The following PRELID2 variants were observed in gnomAD, a reference collection of about 807,000 sequenced individuals.
PRELID2 encodes the protein PRELI domain-containing protein 2.
Under a neutral mutation model 28.4 loss-of-function variants are expected in PRELID2, and 25 were observed. That is an observed-to-expected ratio of 0.88 (90% CI 0.64 to 1.23). The LOEUF is 1.23. Among genes scored for constraint, PRELID2 ranks in the 50% most tolerant of loss-of-function variants. The probability of loss-of-function intolerance (pLI) is 0.00; values close to 1 mark genes in which losing one functional copy is unlikely to be tolerated. For missense variants in PRELID2, 201 were observed against 214.4 expected (o/e 0.94, Z 0.39); for synonymous variants, 76 against 71.6 (o/e 1.06, Z -0.31).
At chr5:145,832,674 T>C (rs566420276) in intron 1 of PRELID2, among the ~76,000 whole-genome samples, 1 of 152,282 alleles carries the variant, frequency 6.6e-6, no homozygotes, top group Admixed American at 6.5e-5. Flanking sequence ...AGTTTCTCTA[T>C]ATTGTAAAAT....
chr5:145,508,135 G>A (rs373414434), intron 1 of PRELID2, among the ~76,000 whole-genome samples: 6 of 152,090 alleles, frequency 3.9e-5, no homozygotes, highest in East Asian at 1.9e-4. Flanking sequence ...GCGATAGTGC[G>A]AATCTATAAT....
At chr5:145,564,087 T>C (rs1752945915) in intron 1 of PRELID2, among the ~76,000 whole-genome samples, 1 of 152,234 alleles carries the variant, frequency 6.6e-6, no homozygotes, top group African/African-American at 2.4e-5. Flanking sequence ...ATTTTACTTT[T>C]TGAAAAAGAC....
chr5:145,264,445 C>A, the PRELID2 span, among the ~76,000 whole-genome samples: 1 of 152,032 alleles, frequency 6.6e-6, no homozygotes, highest in African/African-American at 2.4e-5. Context: ...TCCAGCATCC[C>A]TTTATGACTC....
intron 5 of PRELID2, among the ~76,000 whole-genome samples, chr5:145,767,679 T>C (rs367991868): frequency 4.6e-5 from 7 of 152,222 alleles, no homozygotes; most frequent in African/African-American, 1.7e-4. Flanking sequence ...GTGCTCCCCC[T>C]TTTGCAAGGG....
chr5:145,741,984 AATAAATTTAT>A (rs1402070775), intron 1 of PRELID2, among the ~76,000 whole-genome samples: 2 of 4,754 alleles, frequency 4.2e-4, no homozygotes, highest in Non-Finnish European at 1.8e-3. Flanking sequence ...ATTTAATTAT[AATAAATTTAT>A]TATAAATAAT....
chr5:145,363,393 T>C, the PRELID2 span, among the ~76,000 whole-genome samples: 1 of 152,012 alleles, frequency 6.6e-6, no homozygotes, highest in African/African-American at 2.4e-5. Context: ...CTAAAGTAAG[T>C]AAAATCAAAA....
At chr5:145,558,056 C>CT (rs1310238950) in intron 1 of PRELID2, among the ~76,000 whole-genome samples, 1 of 152,148 alleles carries the variant, frequency 6.6e-6, no homozygotes, top group Non-Finnish European at 1.5e-5. Context: ...TTAATGAGCA[C>CT]TAAGTCATAG....
chr5:145,301,643 A>G, the PRELID2 span, among the ~76,000 whole-genome samples: 1 of 152,134 alleles, frequency 6.6e-6, no homozygotes, highest in Non-Finnish European at 1.5e-5. Context: ...CTTAGCTCTT[A>G]TGTTTATATC....
chr5:145,292,141 T>TA, the PRELID2 span, among the ~76,000 whole-genome samples: 5 of 152,160 alleles, frequency 3.3e-5, no homozygotes, highest in African/African-American at 1.2e-4. Context: ...TTACATCAAC[T>TA]AAAAATGATT....
At chr5:145,825,553 A>G (rs1429522127) in intron 1 of PRELID2, among the ~76,000 whole-genome samples, 1 of 152,242 alleles carries the variant, frequency 6.6e-6, no homozygotes, top group Non-Finnish European at 1.5e-5. Context: ...CAAATTCAAC[A>G]TAAGTTGTAG....
chr5:145,767,345 T>A lies in PRELID2; in HGVS notation c.475-2345A>T, dbSNP rs938892896. 4.0e-5 allele frequency among the ~76,000 whole-genome samples: 6 copies of A among 151,892 alleles called. No homozygotes were observed. In the East Asian group the frequency reaches 9.7e-4, roughly 25 times the overall value. On this transcript the variant is annotated intron_variant, in intron 5 of 6. Coordinates refer to ENST00000683046, the MANE Select transcript of PRELID2 (RefSeq NM_205846.3). ...ACTCCATCCCCTTTCCAGCTCCCCA[T>A]CCCGCTGAGAGCCACTTCCACTGCT...
chr5:145,693,912 G>A (rs182756269), intron 1 of PRELID2, among the ~76,000 whole-genome samples: 1 of 152,128 alleles, frequency 6.6e-6, no homozygotes, highest in African/African-American at 2.4e-5. Context: ...GATAGGGAGG[G>A]AGCAAATCAC....
At chr5:145,820,237 T>G (rs1461121904) in intron 2 of PRELID2, among the ~76,000 whole-genome samples, 1 of 151,884 alleles carries the variant, frequency 6.6e-6, no homozygotes, top group Non-Finnish European at 1.5e-5. Context: ...GCAATGAATC[T>G]TTTAAAGTCA....
At chr5:145,290,694 A>G in the PRELID2 span, among the ~76,000 whole-genome samples, 2 of 152,144 alleles carry the variant, frequency 1.3e-5, no homozygotes, top group African/African-American at 4.8e-5. Flanking sequence ...GTACATGTAT[A>G]CATATGTAAC....
At chr5:145,812,436 G>T (rs919605309) in intron 4 of PRELID2, among the ~76,000 whole-genome samples, 1 of 152,220 alleles carries the variant, frequency 6.6e-6, no homozygotes, top group Non-Finnish European at 1.5e-5. Flanking sequence ...ATCTGGTGCT[G>T]CCACTTACTG....
chr5:145,435,371 G>T, the PRELID2 span, among the ~76,000 whole-genome samples: 2 of 152,074 alleles, frequency 1.3e-5, no homozygotes, highest in African/African-American at 4.8e-5. Flanking sequence ...GGAGGAGTGA[G>T]TGCAAAGGCC....
rs570047187 is a variant in PRELID2, at chr5:145,729,448, T to C, written n.70+35483A>G. ...ACTTGCCCAGGTTCCTTCTAAGTCC[T>C]CACTTTGTCTTCTTTTTCTCTAAGT... is the stretch of plus-strand genomic sequence containing the variant. On this transcript the variant is annotated intron_variant and non_coding_transcript_variant, in intron 1 of 2. Transcript: ENST00000510259. The C allele has an allele frequency of 3.0e-5, 10 of 328,586 alleles. No individual in the cohort carries two copies. In the East Asian group the frequency reaches 5.8e-4, roughly 19 times the overall value. The allele number at this position is 328,586 out of a possible 1,614,324, so 20.4% of individuals were successfully genotyped here. A position where few individuals can be genotyped will look rare whatever the true frequency, so the allele number is the denominator to read the frequency against.
chr5:145,615,949 T>G (rs185247133), intron 1 of PRELID2, among the ~76,000 whole-genome samples: 2 of 152,350 alleles, frequency 1.3e-5, no homozygotes, highest in African/African-American at 4.8e-5. Context: ...GCAAATTACC[T>G]CAGCATTTTG....
At chr5:145,642,817 G>T (rs1234430163) in intron 1 of PRELID2, among the ~76,000 whole-genome samples, 1 of 152,180 alleles carries the variant, frequency 6.6e-6, no homozygotes, top group African/African-American at 2.4e-5. Flanking sequence ...TCAAAGATCA[G>T]ATGTTTGTAG....
Sources: allele counts gnomAD v4.1 joint callset (sites outside exome capture counted in the v4.1 genomes callset), GRCh38; gene constraint gnomAD v4.1.1; transcripts MANE v1.5; gene names NCBI Gene and HGNC (gene_info 2026-07-23, HGNC 2026-07-21).